The following NEBL variants were observed in gnomAD, a reference collection of about 807,000 sequenced individuals.
The protein encoded by NEBL is nebulette, also known as LIM and SH3 protein 2.
Under a neutral mutation model 140.2 loss-of-function variants are expected in NEBL, and 122 were observed. The observed-to-expected ratio is 0.87, with a 90% CI of 0.75 to 1.01. The LOEUF (loss-of-function observed/expected upper bound fraction) is 1.01. Among genes scored for constraint, NEBL ranks in the 50% least tolerant of loss-of-function variants. NEBL has a pLI of 0.00. For synonymous variants in NEBL, 436 were observed against 398.9 expected (o/e 1.09, Z -1.11); for missense variants, 1,365 against 1,231.3 (o/e 1.11, Z -1.62).
chr10:21,073,427 G>A (rs2131910585), intron 2 of NEBL, among the ~76,000 whole-genome samples: 1 of 151,550 alleles, frequency 6.6e-6, no homozygotes, highest in Non-Finnish European at 1.5e-5. Flanking sequence ...GACCAACCTG[G>A]CCAACGTGGT....
chr10:20,934,492 T>G (rs1039468488), intron 4 of NEBL, among the ~76,000 whole-genome samples: 4 of 152,106 alleles, frequency 2.6e-5, no homozygotes, highest in African/African-American at 9.7e-5. Flanking sequence ...TTCTAGCCTG[T>G]GGAATATGGA....
intron 2 of NEBL, among the ~76,000 whole-genome samples, chr10:21,026,347 G>C (rs1215649197): frequency 6.6e-6 from 1 of 152,058 alleles, no homozygotes; most frequent in Non-Finnish European, 1.5e-5. Flanking sequence ...CTCCCTGACA[G>C]ACTTATCCTG....
chr10:21,060,587 A>C (rs2131876604), intron 2 of NEBL, among the ~76,000 whole-genome samples: 1 of 151,802 alleles, frequency 6.6e-6, no homozygotes, highest in South Asian at 2.1e-4. Context: ...AAATGGTTTT[A>C]TTTATCTCAT....
chr10:20,791,829 TG>T (rs1341563224), intron 26 of NEBL, among the ~76,000 whole-genome samples: 1 of 152,028 alleles, frequency 6.6e-6, no homozygotes, highest in Non-Finnish European at 1.5e-5. Context: ...AGAAGTTCAC[TG>T]GGGGGGATGT....
chr10:20,998,127 G>T (rs1031769148), intron 3 of NEBL, among the ~76,000 whole-genome samples: 1 of 152,122 alleles, frequency 6.6e-6, no homozygotes, highest in Non-Finnish European at 1.5e-5. Context: ...TCACTGATAC[G>T]ATACGGTATG....
In NEBL at chr10:21,172,481, G is replaced by GAA. The variant is rs11413698; in HGVS notation, c.70-6_70-5dup. 16,521 of 1,367,766 alleles carry GAA rather than the reference G, an allele frequency of 0.012. 7 individuals carry two copies. The highest frequency in any genetic ancestry group is 0.053 in the East Asian group (2,099 of 39,844). 84.7% of individuals were successfully genotyped at this position (1,367,766 alleles called of 1,614,324 possible). On this transcript the variant is annotated splice_polypyrimidine_tract_variant and splice_region_variant and intron_variant, in intron 1 of 6. Transcript: ENST00000417816. ...GGAAACATCCTTTATGCCAATACTG[G>GAA]AAAAAAAAAAAAAACATTTAAAAAT...
In NEBL at chr10:20,946,631, T is replaced by C. The variant is rs951301316; in HGVS notation, c.357+15041A>G. Among the ~76,000 whole-genome samples, 10 of 152,214 alleles carry C rather than the reference T, an allele frequency of 6.6e-5. 1 individual carries two copies. Among genetic ancestry groups the C allele is most frequent in the Admixed American group, 2.6e-4 (4 of 15,282 alleles). ...TGCACGTCACCACACCCAGATAACATTTGTATGTTTGGTAGAGACGAGGTT... is the reference window on the plus strand; with the variant it reads ...TGCACGTCACCACACCCAGATAACACTTGTATGTTTGGTAGAGACGAGGTT... On this transcript the variant is annotated intron_variant, in intron 4 of 6. Coordinates refer to the NEBL transcript ENST00000417816.
At chr10:20,826,357 A>G (rs1269199591) in intron 18 of NEBL, 90 bp downstream of exon 18, 2 of 999,606 alleles carry the variant, frequency 2.0e-6, no homozygotes, top group Non-Finnish European at 3.1e-6. Context: ...TAAAAGGAAA[A>G]AAGCCATCAG....
intron 3 of NEBL, among the ~76,000 whole-genome samples, chr10:20,962,348 C>A (rs1836090296): frequency 6.6e-6 from 1 of 152,204 alleles, no homozygotes; most frequent in Non-Finnish European, 1.5e-5. Context: ...CATATGGATA[C>A]AATTACACAA....
intron 2 of NEBL, among the ~76,000 whole-genome samples, chr10:21,145,688 A>G (rs1256496467): frequency 6.6e-6 from 1 of 152,190 alleles, no homozygotes; most frequent in Non-Finnish European, 1.5e-5. Flanking sequence ...GAACATCCCA[A>G]ACATAAAGTA....
At chr10:20,929,284 T>A (rs1834064120) in intron 4 of NEBL, among the ~76,000 whole-genome samples, 2 of 151,802 alleles carry the variant, frequency 1.3e-5, no homozygotes, top group Admixed American at 6.6e-5. Context: ...TATATTCCTA[T>A]CACTGATTAA....
intron 3 of NEBL, among the ~76,000 whole-genome samples, chr10:21,227,898 A>G (rs1842193684): frequency 6.6e-6 from 1 of 151,536 alleles, no homozygotes; most frequent in Admixed American, 6.6e-5. Flanking sequence ...AAGAGCACTC[A>G]TAAAAATGTA....
intron 8 of NEBL, 94 bp from the exon 9 acceptor site, chr10:20,858,438 A>G: frequency 9.3e-7 from 1 of 1,078,302 alleles, no homozygotes. Context: ...AAGTAGGACT[A>G]TTTAGTGGTA....
At chr10:20,824,875 A>T (rs913399734) in intron 18 of NEBL, among the ~76,000 whole-genome samples, 1 of 152,222 alleles carries the variant, frequency 6.6e-6, no homozygotes, top group Non-Finnish European at 1.5e-5. Context: ...ATTAAACCAC[A>T]GTACATCGAT....
At chr10:21,157,743 T>C (rs919640371) in intron 2 of NEBL, among the ~76,000 whole-genome samples, 8 of 152,184 alleles carry the variant, frequency 5.3e-5, no homozygotes, top group Non-Finnish European at 1.0e-4. Context: ...GTCCAAAAAG[T>C]GTGTTAGAGT....
At chr10:21,230,543 G>A (rs1842232548) in intron 3 of NEBL, among the ~76,000 whole-genome samples, 1 of 151,458 alleles carries the variant, frequency 6.6e-6, no homozygotes, top group African/African-American at 2.4e-5. Context: ...CTTTTGTTTT[G>A]AGAGAAAATG....
intron 1 of NEBL, among the ~76,000 whole-genome samples, chr10:21,259,406 C>G (rs1192398539): frequency 6.6e-6 from 1 of 152,138 alleles, no homozygotes; most frequent in Admixed American, 6.5e-5. Context: ...AGCTATGAAA[C>G]TGACTCAGAC....
At chr10:21,267,095 C>T (rs908464840) in intron 1 of NEBL, among the ~76,000 whole-genome samples, 1 of 152,192 alleles carries the variant, frequency 6.6e-6, no homozygotes, top group African/African-American at 2.4e-5. Flanking sequence ...CTGCCTCAGC[C>T]TCCCGAGTAG....
At chr10:20,911,417 T>C (rs1848327683) in intron 4 of NEBL, among the ~76,000 whole-genome samples, 1 of 152,214 alleles carries the variant, frequency 6.6e-6, no homozygotes, top group Non-Finnish European at 1.5e-5. Flanking sequence ...TGAAAATGGC[T>C]GAAACCCACA....
Sources: allele counts gnomAD v4.1 joint callset (sites outside exome capture counted in the v4.1 genomes callset), GRCh38; gene constraint gnomAD v4.1.1; transcripts MANE v1.5; gene names NCBI Gene and HGNC (gene_info 2026-07-23, HGNC 2026-07-21).